Variants in CALN1 observed in about 807,000 individuals in gnomAD.
CALN1 encodes the protein calneuron 1, also known as calcium-binding protein 8.
Under a neutral mutation model 30.6 loss-of-function variants are expected in CALN1, and 17 were observed. The observed-to-expected ratio is 0.56, with a 90% confidence interval of 0.38 to 0.83. The LOEUF is 0.83. CALN1 is among the 40% of genes least tolerant of loss of function. The probability of loss-of-function intolerance (pLI) is 0.00; values close to 1 mark genes in which losing one functional copy is unlikely to be tolerated. For missense variants in CALN1, 291 were observed against 354.9 expected (o/e 0.82, Z 1.45); for synonymous variants, 156 against 131.4 (o/e 1.19, Z -1.28).
At chr7:72,430,574 T>A (rs1807941655) in intron 1 of CALN1, among the ~76,000 whole-genome samples, 1 of 152,108 alleles carries the variant, frequency 6.6e-6, no homozygotes, top group Non-Finnish European at 1.5e-5. Context: ...CCCTAAATAT[T>A]CCCCTCAAGG....
chr7:72,443,641 C>T (rs1054997495), intron 1 of CALN1, among the ~76,000 whole-genome samples: 1 of 151,806 alleles, frequency 6.6e-6, no homozygotes, highest in African/African-American at 2.4e-5. Context: ...AAGCCTTTCC[C>T]AAGGCCAAGA....
chr7:72,065,287 C>T (rs891394600), intron 4 of CALN1, among the ~76,000 whole-genome samples: 1 of 152,032 alleles, frequency 6.6e-6, no homozygotes, highest in Non-Finnish European at 1.5e-5. Context: ...GTTCATACTA[C>T]AGCCCAATCT....
intron 3 of CALN1, among the ~76,000 whole-genome samples, chr7:72,249,888 G>T (rs1467954064): frequency 1.4e-5 from 2 of 144,232 alleles, no homozygotes; most frequent in East Asian, 4.2e-4. Context: ...AGTGAGCCAA[G>T]ATCACACCAC....
At chr7:71,893,700 G>GA (rs113985093) in intron 5 of CALN1, among the ~76,000 whole-genome samples, 1,976 of 136,790 alleles carry the variant, frequency 0.014, 35 homozygotes, top group African/African-American at 0.037. Context: ...TGAATACAAA[G>GA]AAAAAAAAAA....
At chr7:72,489,147 C>T in the CALN1 span, among the ~76,000 whole-genome samples, 4 of 152,166 alleles carry the variant, frequency 2.6e-5, no homozygotes, top group Admixed American at 6.6e-5. Context: ...AGAAGTGAAG[C>T]TTTTCCCTCC....
intron 1 of CALN1, among the ~76,000 whole-genome samples, chr7:72,438,114 T>C (rs1013486911): frequency 6.7e-6 from 1 of 149,494 alleles, no homozygotes; most frequent in African/African-American, 2.5e-5. Flanking sequence ...GCTGGTTCTA[T>C]AGGCATGCGC....
the CALN1 span, among the ~76,000 whole-genome samples, chr7:72,458,266 CTATATTA>C: frequency 2.1e-4 from 12 of 56,908 alleles, no homozygotes; most frequent in African/African-American, 4.5e-4. Flanking sequence ...ATAATATATT[CTATATTA>C]TATAATATAT....
intron 3 of CALN1, among the ~76,000 whole-genome samples, chr7:72,255,567 C>T (rs371207108): frequency 6.6e-6 from 1 of 151,130 alleles, no homozygotes; most frequent in African/African-American, 2.4e-5. Context: ...GGTGCCCCTA[C>T]CAAGCTTGGC....
chr7:71,800,842 G>A (rs1256609008), intron 6 of CALN1, among the ~76,000 whole-genome samples: 1 of 152,048 alleles, frequency 6.6e-6, no homozygotes, highest in Admixed American at 6.6e-5. Context: ...CATGATACAT[G>A]TGCAGAATGT....
intron 5 of CALN1, among the ~76,000 whole-genome samples, chr7:71,846,684 C>T (rs1198610904): frequency 6.6e-6 from 1 of 150,472 alleles, no homozygotes; most frequent in Non-Finnish European, 1.5e-5. Context: ...TTTTATTTAT[C>T]TACCTGTCTA....
At chr7:72,180,125 C>T (rs1428991361) in intron 3 of CALN1, among the ~76,000 whole-genome samples, 3 of 152,142 alleles carry the variant, frequency 2.0e-5, no homozygotes, top group African/African-American at 7.2e-5. Flanking sequence ...TGAAGACTGT[C>T]CTACATTCCA....
At chr7:72,337,078 G>GTGAA in intron 2 of CALN1, 1 of 985,838 alleles carries the variant, frequency 1.0e-6, no homozygotes, top group Non-Finnish European at 1.2e-6. Flanking sequence ...TGGCCGCGCG[G>GTGAA]GTTCAGCCCA....
chr7:71,941,240 C>T (rs1796113557), intron 5 of CALN1, among the ~76,000 whole-genome samples: 1 of 145,856 alleles, frequency 6.9e-6, no homozygotes, highest in Middle Eastern at 3.2e-3. Flanking sequence ...ATCCCAGCTA[C>T]TTGGGAGGCT....
At chr7:72,088,972 C>G (rs941534905) in intron 4 of CALN1, among the ~76,000 whole-genome samples, 2 of 151,600 alleles carry the variant, frequency 1.3e-5, no homozygotes, top group Admixed American at 1.3e-4. Flanking sequence ...TATGTCAGAA[C>G]AAATATATAT....
At chr7:72,425,140 G>A (rs1426405806) in intron 1 of CALN1, among the ~76,000 whole-genome samples, 2 of 152,114 alleles carry the variant, frequency 1.3e-5, no homozygotes, top group East Asian at 1.9e-4. Context: ...TTGAGACAGA[G>A]TCTCACTCTG....
At chr7:72,197,664 T>TA (rs1009967694) in intron 3 of CALN1, among the ~76,000 whole-genome samples, 5 of 151,910 alleles carry the variant, frequency 3.3e-5, no homozygotes, top group Non-Finnish European at 5.9e-5. Flanking sequence ...TTCTTGTCCC[T>TA]ACAAAAAAAT....
chr7:71,981,179 A>G (rs1458564356), intron 5 of CALN1, among the ~76,000 whole-genome samples: 1 of 152,136 alleles, frequency 6.6e-6, no homozygotes, highest in Non-Finnish European at 1.5e-5. Flanking sequence ...TTTTGTTATA[A>G]TATTTAGTGT....
intron 2 of CALN1, among the ~76,000 whole-genome samples, chr7:72,345,063 A>T (rs1802567130): frequency 6.7e-6 from 1 of 148,332 alleles, no homozygotes; most frequent in Admixed American, 6.8e-5. Context: ...GTACTGTTAT[A>T]TTCATGCATG....
At chr7:71,966,856 A>G (rs753483785) in intron 5 of CALN1, among the ~76,000 whole-genome samples, 1 of 152,232 alleles carries the variant, frequency 6.6e-6, no homozygotes, top group African/African-American at 2.4e-5. Context: ...TTAATTTTAC[A>G]TGCAACTTTG....
Sources: gnomAD v4.1 joint callset for allele counts (sites outside exome capture counted in the v4.1 genomes callset) on GRCh38, gnomAD v4.1.1 for gene constraint, MANE v1.5 for transcripts, NCBI Gene and HGNC (gene_info 2026-07-23, HGNC 2026-07-21) for gene names.